NCOA3: variants seen among roughly 807,000 people sequenced by gnomAD.
NCOA3 encodes nuclear receptor coactivator 3, also known as CBP-interacting protein.
A neutral mutation model predicts 158.8 loss-of-function variants in NCOA3; 51 were observed. The ratio of observed to expected loss-of-function variants is 0.32; its 90% CI spans 0.26 to 0.41. NCOA3 has a LOEUF of 0.41. Ranked by LOEUF, NCOA3 falls within the 10% of genes least tolerant of loss-of-function variation. NCOA3 has a pLI of 1.00. For synonymous variants in NCOA3, 537 were observed against 592.4 expected (o/e 0.91, Z 1.36); for missense variants, 1,510 against 1,746.6 (o/e 0.86, Z 2.41).
chr20:47,560,689 CT>C (rs1282850928), intron 1 of NCOA3, among the ~76,000 whole-genome samples: 1 of 152,054 alleles, frequency 6.6e-6, no homozygotes, highest in Non-Finnish European at 1.5e-5. Flanking sequence ...ATATGTGTAT[CT>C]TCAGTGAGGT....
intron 1 of NCOA3, among the ~76,000 whole-genome samples, chr20:47,547,151 T>G (rs1806818151): frequency 6.6e-6 from 1 of 152,124 alleles, no homozygotes; most frequent in Admixed American, 6.6e-5. Flanking sequence ...AGAATCCTAG[T>G]CCCCATTGCT....
intron 4 of NCOA3, 88 bp downstream of exon 4, chr20:47,624,171 C>A: frequency 8.7e-7 from 1 of 1,144,562 alleles, no homozygotes; most frequent in Non-Finnish European, 1.2e-6. Flanking sequence ...CCAGTTTTTC[C>A]ATGGACCTGG....
At chr20:47,513,065 T>C (rs556273902) in intron 1 of NCOA3, among the ~76,000 whole-genome samples, 2 of 151,862 alleles carry the variant, frequency 1.3e-5, no homozygotes, top group African/African-American at 4.8e-5. Context: ...GGCTGAGGCA[T>C]GAGAATAGCT....
intron 2 of NCOA3, among the ~76,000 whole-genome samples, chr20:47,587,866 C>G (rs1318737615): frequency 6.6e-6 from 1 of 152,000 alleles, no homozygotes; most frequent in African/African-American, 2.4e-5. Flanking sequence ...GTTCTTTGTA[C>G]TTCATTTTTT....
intron 2 of NCOA3, among the ~76,000 whole-genome samples, chr20:47,598,392 G>A (rs977476162): frequency 9.9e-5 from 15 of 151,754 alleles, no homozygotes; most frequent in Non-Finnish European, 2.1e-4. Flanking sequence ...TTGGAGTGCC[G>A]TGGCACAATC....
intron 1 of NCOA3, among the ~76,000 whole-genome samples, chr20:47,507,324 C>T (rs1371183927): frequency 6.6e-6 from 1 of 152,124 alleles, no homozygotes; most frequent in East Asian, 1.9e-4. Context: ...GTTCATGAAC[C>T]TTCCATCTTT....
At chr20:47,614,293 C>G (rs1382393506) in intron 2 of NCOA3, among the ~76,000 whole-genome samples, 1 of 152,170 alleles carries the variant, frequency 6.6e-6, no homozygotes, top group Non-Finnish European at 1.5e-5. Context: ...TGGTTATTTT[C>G]TAAGTTGTCT....
chr20:47,537,750 T>C (rs2084658545), intron 1 of NCOA3, among the ~76,000 whole-genome samples: 2 of 152,068 alleles, frequency 1.3e-5, no homozygotes, highest in African/African-American at 4.8e-5. Context: ...CGGCTAATTT[T>C]TTCTACTTTT....
chr20:47,524,712 T>C (rs1180585544), intron 1 of NCOA3, among the ~76,000 whole-genome samples: 6 of 152,198 alleles, frequency 3.9e-5, no homozygotes, highest in African/African-American at 1.2e-4. Flanking sequence ...ACAGATCTTA[T>C]AAAGCTTCTG....
At chr20:47,614,021 C>T (rs1020759868) in intron 2 of NCOA3, among the ~76,000 whole-genome samples, 3 of 152,054 alleles carry the variant, frequency 2.0e-5, no homozygotes, top group Non-Finnish European at 4.4e-5. Context: ...GAGATACTAA[C>T]TGGAAGAGTC....
chr20:47,604,908 T>C (rs1602473140), intron 2 of NCOA3, among the ~76,000 whole-genome samples: 1 of 152,294 alleles, frequency 6.6e-6, no homozygotes. Context: ...GCTCTGTCAC[T>C]CAGGCTGGAG....
At chr20:47,632,270 TA>T (rs2086431347) in intron 8 of NCOA3, among the ~76,000 whole-genome samples, 1 of 152,164 alleles carries the variant, frequency 6.6e-6, no homozygotes, top group South Asian at 2.1e-4. Context: ...GAGAAGGTAT[TA>T]GGGGGTGGGG....
chr20:47,539,327 A>G (rs113563221), intron 1 of NCOA3, among the ~76,000 whole-genome samples: 1 of 152,204 alleles, frequency 6.6e-6, no homozygotes, highest in Non-Finnish European at 1.5e-5. Context: ...CTGGGTGACA[A>G]CGATACCCTG....
chr20:47,651,098 G>GCAA lies in NCOA3; in HGVS notation c.3770_3771insACA (p.Gln1276dup). 2.2e-6 allele frequency: 3 copies of GCAA among 1,339,012 alleles called. No homozygotes were observed. The South Asian group carries it at 3.7e-5, about 17-fold the overall frequency. 82.9% of individuals were successfully genotyped at this position (1,339,012 alleles called of 1,614,324 possible). On this transcript the variant is annotated inframe_insertion, in exon 20 of 23. Coordinates refer to ENST00000371998, the MANE Select transcript of NCOA3 (RefSeq NM_181659.3). Reference sequence around the variant, plus strand: ...AGCAGCAGCAGCAGCAGCAACAGCAGCAGCAGCAGCAGCAGCAGCAGCAAC... The same window carrying GCAA: ...AGCAGCAGCAGCAGCAGCAACAGCAGCAACAGCAGCAGCAGCAGCAGCAGCAAC...
chr20:47,548,920 A>G (rs1381350278), intron 1 of NCOA3, among the ~76,000 whole-genome samples: 3 of 152,244 alleles, frequency 2.0e-5, no homozygotes, highest in African/African-American at 7.2e-5. Context: ...AATACCATTT[A>G]ATGAATTTTA....
intron 1 of NCOA3, among the ~76,000 whole-genome samples, chr20:47,524,787 G>C (rs978926354): frequency 1.3e-5 from 2 of 152,136 alleles, no homozygotes; most frequent in Non-Finnish European, 1.5e-5. Flanking sequence ...CTGTTGCCCA[G>C]GCTGGAGTGC....
chr20:47,616,866 A>G (rs1568728978), intron 2 of NCOA3, among the ~76,000 whole-genome samples: 2 of 152,240 alleles, frequency 1.3e-5, no homozygotes, highest in East Asian at 1.9e-4. Flanking sequence ...TAGCAAGTAT[A>G]GGTCCTAATT....
intron 1 of NCOA3, among the ~76,000 whole-genome samples, chr20:47,538,780 A>G (rs1319828856): frequency 6.6e-6 from 1 of 152,064 alleles, no homozygotes; most frequent in Non-Finnish European, 1.5e-5. Flanking sequence ...TCCTGACCTC[A>G]TGATCCTCCC....
intron 2 of NCOA3, among the ~76,000 whole-genome samples, chr20:47,609,997 TTTTA>T (rs1401055281): frequency 1.3e-5 from 2 of 151,902 alleles, no homozygotes; most frequent in Non-Finnish European, 2.9e-5. Context: ...GGGTCAAGGG[TTTTA>T]TTGAGTTTTC....
Sources: allele counts gnomAD v4.1 joint callset (sites outside exome capture counted in the v4.1 genomes callset), GRCh38; gene constraint gnomAD v4.1.1; transcripts MANE v1.5; gene names NCBI Gene and HGNC (gene_info 2026-07-23, HGNC 2026-07-21).